The following IQGAP1 variants were observed in gnomAD, a reference collection of about 807,000 sequenced individuals.
IQGAP1 encodes the protein IQ motif containing GTPase activating protein 1, also known as ras GTPase-activating-like protein IQGAP1.
Under a neutral mutation model 215.6 loss-of-function variants are expected in IQGAP1, and 66 were observed. The observed-to-expected ratio is 0.31, with a 90% CI of 0.25 to 0.38. The LOEUF (loss-of-function observed/expected upper bound fraction) is 0.38. Ranked by LOEUF, IQGAP1 falls within the 10% of genes least tolerant of loss-of-function variation. IQGAP1 has a pLI of 1.00. For synonymous variants in IQGAP1, 772 were observed against 728.7 expected (o/e 1.06, Z -0.96); for missense variants, 1,712 against 1,997.1 (o/e 0.86, Z 2.72).
At chr15:90,398,694 A>T (rs944533057) in intron 2 of IQGAP1, among the ~76,000 whole-genome samples, 1 of 152,012 alleles carries the variant, frequency 6.6e-6, no homozygotes, top group Non-Finnish European at 1.5e-5. Flanking sequence ...CACAAAGCCT[A>T]TATTACAATA....
chr15:90,461,615 G>T (rs1965762766), intron 15 of IQGAP1, among the ~76,000 whole-genome samples: 1 of 152,166 alleles, frequency 6.6e-6, no homozygotes, highest in African/African-American at 2.4e-5. Flanking sequence ...AAGGCAGGCG[G>T]ATCACTTGAG....
rs1965416260 is a variant in IQGAP1, at chr15:90,439,338, C to T, written c.474C>T (p.Tyr158=). 1 of 1,612,806 alleles carries T rather than the reference C, an allele frequency of 6.2e-7. No homozygotes were observed. The highest frequency in any genetic ancestry group is 8.5e-7 in the Non-Finnish European group (1 of 1,179,190). Residue 158 remains tyrosine (Y), a synonymous_variant, in exon 6 of 38, where the codon TAC becomes TAT. Transcript: ENST00000268182. ...TGCATATTGTATCTTCTAGTTTGTA[C>T]CTGTTCAAGCTAGGCCTGGCCCCTC... ...CIYCIHALSL[Y]LFKLGLAPQI...
At chr15:90,468,214 A>G (rs1965858420) in intron 18 of IQGAP1, among the ~76,000 whole-genome samples, 1 of 152,074 alleles carries the variant, frequency 6.6e-6, no homozygotes, top group Non-Finnish European at 1.5e-5. Flanking sequence ...GATTACAGGC[A>G]TGCACCACAC....
intron 18 of IQGAP1, among the ~76,000 whole-genome samples, chr15:90,469,663 C>T (rs1965879468): frequency 6.6e-6 from 1 of 152,030 alleles, no homozygotes; most frequent in Non-Finnish European, 1.5e-5. Flanking sequence ...CTAATCACAG[C>T]ACAATAAGGG....
At chr15:90,410,495 A>G (rs1964944689) in intron 2 of IQGAP1, among the ~76,000 whole-genome samples, 1 of 152,232 alleles carries the variant, frequency 6.6e-6, no homozygotes, top group Non-Finnish European at 1.5e-5. Context: ...ACCATGGAAT[A>G]CTATGAAGCC....
rs1965847941 is a variant in IQGAP1 at position 90,467,509 on chromosome 15, A to T, written c.2095A>T (p.Asn699Tyr). 1.9e-6 allele frequency: 3 copies of T among 1,613,098 alleles called. No individual in the cohort carries two copies. Among genetic ancestry groups the T allele is most frequent in the Non-Finnish European group, 2.5e-6 (3 of 1,179,570 alleles). ...AAAAGGTGGATATTATTATTACCACAATCTGGAGACCCAGGAAGGAGGATG... is the reference window on the plus strand; with the variant it reads ...AAAAGGTGGATATTATTATTACCACTATCTGGAGACCCAGGAAGGAGGATG... ...WVKGGYYYYH[N>Y]LETQEGGWDE... is the part of the protein sequence containing the mutation. The change falls in exon 18 of 38, where the codon AAT becomes TAT. Residue 699 changes from asparagine to tyrosine, a missense_variant. By Grantham distance (143) the Asn-to-Tyr change is moderately radical. Around this residue, in one of 2 missense-constraint regions of IQGAP1, gnomAD observed 1,021 missense variants for 1,074.2 expected, o/e 0.95. Coordinates refer to ENST00000268182, the MANE Select transcript of IQGAP1 (RefSeq NM_003870.4).
At chr15:90,452,628 A>T (rs1310995040) in intron 11 of IQGAP1, 147 bp from the exon 12 acceptor site, 5 of 776,376 alleles carry the variant, frequency 6.4e-6, no homozygotes, top group African/African-American at 1.7e-5. Flanking sequence ...CAGACAAAGG[A>T]GGCTGCTTTT....
chr15:90,483,729 T>G (rs1342444127), intron 29 of IQGAP1, 136 bp downstream of exon 29: 1 of 635,656 alleles, frequency 1.6e-6, no homozygotes, highest in East Asian at 2.7e-5. Context: ...GTGCCCAGGA[T>G]TCCAGAAGAT....
chr15:90,449,432 A>G, intron 10 of IQGAP1, 127 bp from the exon 11 acceptor site: 1 of 738,526 alleles, frequency 1.4e-6, no homozygotes, highest in East Asian at 3.0e-5. Flanking sequence ...GGCTGCATGT[A>G]GCCTGAGCTG....
At position 90,485,750 on chromosome 15, in the gene IQGAP1, C is replaced by G. The variant is rs544180915; in HGVS notation, c.3922-280C>G. On this transcript the variant is annotated intron_variant, in intron 30 of 37. Transcript: ENST00000268182. The stretch of plus-strand genomic sequence containing the variant: ...CCACTGCACCCAGCCAGTGTTCTTT[C>G]TCAAACAGGGCACATTTGAATCCTT... Among the ~76,000 whole-genome samples, 10 of 152,206 alleles carry G rather than the reference C, an allele frequency of 6.6e-5. No individual in the cohort carries two copies. The South Asian group carries it at 2.1e-3, about 32-fold the overall frequency.
At chr15:90,491,034 C>T (rs1475846952) in intron 33 of IQGAP1, among the ~76,000 whole-genome samples, 1 of 152,176 alleles carries the variant, frequency 6.6e-6, no homozygotes, top group Non-Finnish European at 1.5e-5. Flanking sequence ...TGGTCTTGAA[C>T]TCCTGACCTC....
intron 3 of IQGAP1, among the ~76,000 whole-genome samples, chr15:90,428,219 C>G (rs1965253160): frequency 6.6e-6 from 1 of 151,946 alleles, no homozygotes; most frequent in Admixed American, 6.6e-5. Flanking sequence ...ACTATGGGAG[C>G]ATGCTACTAC....
At chr15:90,398,497 G>C (rs745989486) in intron 2 of IQGAP1, among the ~76,000 whole-genome samples, 1 of 152,108 alleles carries the variant, frequency 6.6e-6, no homozygotes, top group African/African-American at 2.4e-5. Flanking sequence ...ATAATTTTTA[G>C]ATATAATCAC....
chr15:90,402,163 G>A (rs928039863), intron 2 of IQGAP1, among the ~76,000 whole-genome samples: 5 of 152,218 alleles, frequency 3.3e-5, no homozygotes, highest in African/African-American at 1.2e-4. Flanking sequence ...CTGAGGGAAA[G>A]TCTCCAGTTG....
chr15:90,463,919 G>A (rs1000312192), intron 15 of IQGAP1, among the ~76,000 whole-genome samples: 4 of 152,178 alleles, frequency 2.6e-5, no homozygotes, highest in Non-Finnish European at 5.9e-5. Flanking sequence ...TATATGGAGT[G>A]AAATGTTGTG....
intron 2 of IQGAP1, among the ~76,000 whole-genome samples, chr15:90,404,298 G>A (rs1246425784): frequency 6.6e-6 from 1 of 152,134 alleles, no homozygotes; most frequent in Non-Finnish European, 1.5e-5. Context: ...GGCTGTTTCC[G>A]CTTTAATTTT....
At chr15:90,481,754 T>C (rs1452303927) in intron 26 of IQGAP1, among the ~76,000 whole-genome samples, 1 of 152,232 alleles carries the variant, frequency 6.6e-6, no homozygotes, top group African/African-American at 2.4e-5. Flanking sequence ...GTGCCTGTTA[T>C]TGTGCCTGGC....
intron 2 of IQGAP1, among the ~76,000 whole-genome samples, chr15:90,404,682 G>A (rs937371610): frequency 6.6e-6 from 1 of 151,998 alleles, no homozygotes; most frequent in Non-Finnish European, 1.5e-5. Context: ...AGGTTCAAGC[G>A]ATTCTTGTGC....
chr15:90,426,487 T>TC (rs990312317), intron 3 of IQGAP1, among the ~76,000 whole-genome samples: 7 of 133,516 alleles, frequency 5.2e-5, no homozygotes, highest in African/African-American at 1.9e-4. Context: ...AAAGCCCGCC[T>TC]CCCCCCTACC....
Sources: allele counts gnomAD v4.1 joint callset (sites outside exome capture counted in the v4.1 genomes callset), GRCh38; gene constraint gnomAD v4.1.1; regional missense constraint gnomAD v4.1.1; transcripts MANE v1.5; gene names NCBI Gene and HGNC (gene_info 2026-07-23, HGNC 2026-07-21).